Variants in PRPF18 observed in about 807,000 individuals in gnomAD.
PRPF18 encodes pre-mRNA-splicing factor 18.
In PRPF18, 38 loss-of-function variants were observed where a neutral mutation model predicts 46.5. The ratio of observed to expected loss-of-function variants is 0.82; its 90% CI spans 0.63 to 1.07. PRPF18 has a LOEUF of 1.07. Among genes scored for constraint, PRPF18 ranks in the 50% least tolerant of loss-of-function variants. The probability of loss-of-function intolerance (pLI) is 0.00; values close to 1 mark genes in which losing one functional copy is unlikely to be tolerated. For missense variants in PRPF18, 263 were observed against 410.0 expected (o/e 0.64, Z 3.10); for synonymous variants, 152 against 146.7 (o/e 1.04, Z -0.26).
In PRPF18 at chr10:13,600,253, A is replaced by G; in HGVS notation, c.154A>G (p.Lys52Glu). ...TTGGCTATTAATATAGATACAGCCA[A>G]AAGAGGAGGACCAGAAACCATTAAC... ...FERCGYKIQP[K>E]EEDQKPLTSS... The change falls in exon 3 of 10, where the codon AAA becomes GAA. Residue 52 changes from lysine (K) to glutamate (E), a missense_variant. This residue lies in a region of PRPF18 where 71 missense variants were observed against 69.2 expected (regional missense o/e 1.03). Transcript: ENST00000378572. 1 of 1,608,246 alleles carries G rather than the reference A, an allele frequency of 6.2e-7. No homozygotes were observed. Among genetic ancestry groups the G allele is most frequent in the East Asian group, 2.2e-5 (1 of 44,482 alleles).
At position 13,586,970 on chromosome 10, in the gene PRPF18, T is replaced by G. The variant is rs1319880397; in HGVS notation, c.-117T>G. 9.4e-7 allele frequency: 1 copy of G among 1,059,428 alleles called. No individual in the cohort carries two copies. Among genetic ancestry groups the G allele is most frequent in the African/African-American group, 1.6e-5 (1 of 63,990 alleles). The allele number at this position is 1,059,428 out of a possible 1,614,324, so 65.6% of individuals were successfully genotyped here. On this transcript the variant is annotated 5_prime_UTR_variant, in exon 1 of 10. Coordinates refer to ENST00000378572, the MANE Select transcript of PRPF18 (RefSeq NM_003675.4). ...CGCCGGAAGCGGCTCCTGTCAGTTG[T>G]TCTCAGGTGTTTGGGCTTGTTGTTC...
intron 1 of PRPF18, chr10:13,592,157 C>T (rs1441274059): frequency 3.3e-6 from 2 of 614,702 alleles, no homozygotes; most frequent in Admixed American, 4.0e-5. Flanking sequence ...ATCGGGAATA[C>T]CTGCCAATTC....
At chr10:13,649,486 G>C in the PRPF18 span, 1 of 152,166 alleles carries the variant, frequency 6.6e-6, no homozygotes, top group South Asian at 2.1e-4. Flanking sequence ...TGGTTCTCAG[G>C]TGGCTCCTAG....
intron 3 of PRPF18, 75 bp downstream of exon 3, chr10:13,600,423 A>T: frequency 9.0e-7 from 1 of 1,112,678 alleles, no homozygotes; most frequent in Non-Finnish European, 1.3e-6. Context: ...TTTTCCAATA[A>T]GTTAAACGTC....
the PRPF18 span, chr10:13,652,073 C>T: frequency 1.2e-5 from 9 of 767,654 alleles, no homozygotes; most frequent in South Asian, 2.8e-5. Flanking sequence ...TTAATATATC[C>T]GAAAGGCTTG....
rs117882673 is a variant in PRPF18 at position 13,621,359 on chromosome 10, G to T, written c.948+4806G>T. ...GGCATTTTGTAGGTTGGAGAAGAAT[G>T]AGTTTAGGGTATTGATTTTCCCAAC... is the stretch of plus-strand genomic sequence containing the variant. On this transcript the variant is annotated intron_variant, in intron 9 of 9. Transcript: ENST00000378572. Among the ~76,000 whole-genome samples, 1,189 of 152,260 alleles carry T rather than the reference G, an allele frequency of 7.8e-3. 7 individuals carry two copies. The highest frequency in any genetic ancestry group is 0.015 in the Non-Finnish European group (994 of 68,004).
At chr10:13,599,144 G>C (rs1033539265) in intron 2 of PRPF18, among the ~76,000 whole-genome samples, 1 of 152,068 alleles carries the variant, frequency 6.6e-6, no homozygotes, top group Non-Finnish European at 1.5e-5. Context: ...GATTTTTAAA[G>C]ATTTCCTTCT....
downstream of PRPF18, among the ~76,000 whole-genome samples, chr10:13,633,614 A>C (rs2080609694): frequency 6.6e-6 from 1 of 152,130 alleles, no homozygotes; most frequent in African/African-American, 2.4e-5. Flanking sequence ...TGCTTCACAC[A>C]GAAGGATGGT....
chr10:13,615,403 T>C (rs2080324951), intron 8 of PRPF18, among the ~76,000 whole-genome samples: 2 of 152,348 alleles, frequency 1.3e-5, no homozygotes, highest in African/African-American at 4.8e-5. Context: ...TAAGATCCAA[T>C]GTTAAAGTTT....
chr10:13,632,107 C>T (rs11258487), downstream of PRPF18: 23,698 of 152,426 alleles, frequency 0.16, 1,987 homozygotes, highest in Non-Finnish European at 0.2. Context: ...TTTGGGAGGC[C>T]GAGGTGGGCA....
chr10:13,640,385 A>G, the PRPF18 span: 1 of 152,244 alleles, frequency 6.6e-6, no homozygotes, highest in Non-Finnish European at 1.5e-5. Context: ...GCTCCTGGAA[A>G]AGAGCCATGA....
At chr10:13,606,933 C>A (rs1420270357) in intron 4 of PRPF18, among the ~76,000 whole-genome samples, 2 of 152,102 alleles carry the variant, frequency 1.3e-5, no homozygotes, top group Non-Finnish European at 2.9e-5. Flanking sequence ...CAAACCCCAG[C>A]ATGTGGTATT....
chr10:13,636,297 G>T, the PRPF18 span, among the ~76,000 whole-genome samples: 1 of 152,110 alleles, frequency 6.6e-6, no homozygotes, highest in African/African-American at 2.4e-5. Flanking sequence ...TGGCGCGCAC[G>T]TGTAGTCCCA....
the PRPF18 span, chr10:13,655,140 G>A: frequency 1.3e-5 from 2 of 152,298 alleles, no homozygotes; most frequent in African/African-American, 4.8e-5. Flanking sequence ...CAGCTGGAAA[G>A]ATTTAGTAGG....
the PRPF18 span, chr10:13,639,841 C>T: frequency 4.6e-5 from 7 of 152,298 alleles, no homozygotes; most frequent in Admixed American, 1.3e-4. Context: ...GGATTGGACA[C>T]GAGAGACTGG....
downstream of PRPF18, among the ~76,000 whole-genome samples, chr10:13,633,058 G>T (rs1204893033): frequency 6.6e-6 from 1 of 152,192 alleles, no homozygotes; most frequent in Non-Finnish European, 1.5e-5. Context: ...TTTCAGTGTT[G>T]CAGCATAGAG....
chr10:13,612,298 A>C (rs2080280523), intron 6 of PRPF18, among the ~76,000 whole-genome samples: 1 of 152,076 alleles, frequency 6.6e-6, no homozygotes, highest in Admixed American at 6.6e-5. Flanking sequence ...CTTGAGGCAG[A>C]GTCTTGCTCT....
At chr10:13,641,385 G>A in the PRPF18 span, 2 of 152,366 alleles carry the variant, frequency 1.3e-5, no homozygotes, top group South Asian at 4.1e-4. Context: ...TAGCACATTA[G>A]ACATCCACGT....
chr10:13,609,322 G>A (rs143245107), intron 4 of PRPF18, among the ~76,000 whole-genome samples: 209 of 152,300 alleles, frequency 1.4e-3, no homozygotes, highest in Middle Eastern at 3.4e-3. Context: ...TATTCTGTAG[G>A]TGAGTCTACT....
Sources: gnomAD v4.1 joint callset for allele counts (sites outside exome capture counted in the v4.1 genomes callset) on GRCh38, gnomAD v4.1.1 for gene constraint, gnomAD v4.1.1 regional missense constraint, MANE v1.5 for transcripts, NCBI Gene and HGNC (gene_info 2026-07-23, HGNC 2026-07-21) for gene names.